Variants in LMTK2 observed in about 807,000 individuals in gnomAD.
LMTK2 encodes lemur tail kinase 2, also known as serine/threonine-protein kinase LMTK2.
In LMTK2, 37 loss-of-function variants were observed where a neutral mutation model predicts 127.5. The observed-to-expected ratio is 0.29, with a 90% CI of 0.22 to 0.38. The LOEUF (loss-of-function observed/expected upper bound fraction) is 0.38. LMTK2 is among the 10% of genes least tolerant of loss of function. The probability of loss-of-function intolerance (pLI) is 1.00; values close to 1 mark genes in which losing one functional copy is unlikely to be tolerated. For synonymous variants in LMTK2, 819 were observed against 810.1 expected (o/e 1.01, Z -0.19); for missense variants, 1,694 against 1,920.3 (o/e 0.88, Z 2.20).
chr7:98,139,187 C>T (rs1381249572), intron 2 of LMTK2, among the ~76,000 whole-genome samples: 1 of 152,178 alleles, frequency 6.6e-6, no homozygotes, highest in African/African-American at 2.4e-5. Context: ...TCACACTTCA[C>T]TACAGCCTCA....
At chr7:98,115,915 CTTGCTCTG>C (rs1361818764) in intron 1 of LMTK2, among the ~76,000 whole-genome samples, 1 of 152,184 alleles carries the variant, frequency 6.6e-6, no homozygotes, top group Non-Finnish European at 1.5e-5. Context: ...GAGACAAAGT[CTTGCTCTG>C]TTGCCCAGGC....
At chr7:98,142,010 G>A (rs1796706876) in intron 3 of LMTK2, among the ~76,000 whole-genome samples, 1 of 151,874 alleles carries the variant, frequency 6.6e-6, no homozygotes, top group Admixed American at 6.5e-5. Flanking sequence ...AAAATAGAAT[G>A]TGACTAGAAA....
At chr7:98,196,010 C>G (rs183961415) in intron 11 of LMTK2, among the ~76,000 whole-genome samples, 3 of 151,940 alleles carry the variant, frequency 2.0e-5, no homozygotes, top group African/African-American at 4.8e-5. Flanking sequence ...GGCAACATGG[C>G]GAAACCCCAT....
In LMTK2 at chr7:98,171,125, C is replaced by T. The variant is rs748112067; in HGVS notation, c.658-416C>T. On this transcript the variant is annotated intron_variant, in intron 6 of 13. Transcript: ENST00000297293. The surrounding 1 kb of genome is among the most constrained non-coding windows in gnomAD (Gnocchi z 5.1). ...TTGCTCCTCCAAGCTTTGGCAGTAA[C>T]CACGGCGCCTTCGTGATGAAGCGCT... 1.3e-5 allele frequency among the ~76,000 whole-genome samples: 2 copies of T among 152,130 alleles called. No homozygotes were observed. Among genetic ancestry groups the T allele is most frequent in the Non-Finnish European group, 2.9e-5 (2 of 68,036 alleles).
At chr7:98,177,590 C>T (rs1797295917) in intron 7 of LMTK2, among the ~76,000 whole-genome samples, 1 of 152,196 alleles carries the variant, frequency 6.6e-6, no homozygotes, top group African/African-American at 2.4e-5. Context: ...TTGGCCTTGA[C>T]TTCCCAGGCT....
chr7:98,151,542 T>C (rs1249292541), intron 4 of LMTK2, 87 bp downstream of exon 4: 10 of 1,113,768 alleles, frequency 9.0e-6, no homozygotes, highest in Non-Finnish European at 1.3e-5. Flanking sequence ...TGTGTGGAGT[T>C]CCACGTGCCC....
At position 98,205,548 on chromosome 7, in the gene LMTK2, T is replaced by TGCGCCCTC. The variant is rs1797778925; in HGVS notation, c.*57_*64dup. 1.8e-5 allele frequency: 29 copies of TGCGCCCTC among 1,589,070 alleles called. No homozygotes were observed. Among genetic ancestry groups the TGCGCCCTC allele is most frequent in the Non-Finnish European group, 2.4e-5 (28 of 1,163,908 alleles). ...GGCTGCTCCCCTGGAGCGGCGCCCCTGCGCCCTCAGCCCGAGCAGCGACAT... is the reference window on the plus strand; with the variant it reads ...GGCTGCTCCCCTGGAGCGGCGCCCCTGCGCCCTCGCGCCCTCAGCCCGAGCAGCGACAT... On this transcript the variant is annotated 3_prime_UTR_variant, in exon 14 of 14. Coordinates refer to ENST00000297293, the MANE Select transcript of LMTK2 (RefSeq NM_014916.4).
intron 1 of LMTK2, among the ~76,000 whole-genome samples, chr7:98,113,930 ATTC>A (rs1191118222): frequency 6.9e-6 from 1 of 144,288 alleles, no homozygotes; most frequent in Admixed American, 7.2e-5. Flanking sequence ...TCATTATTAA[ATTC>A]TTTTTTTTTT....
At chr7:98,186,614 A>G (rs1406584617) in intron 8 of LMTK2, among the ~76,000 whole-genome samples, 1 of 152,212 alleles carries the variant, frequency 6.6e-6, no homozygotes. Flanking sequence ...TGTTATATGC[A>G]TCAGACACAG....
chr7:98,108,539 C>T (rs528295966), intron 1 of LMTK2, among the ~76,000 whole-genome samples: 4 of 152,234 alleles, frequency 2.6e-5, no homozygotes, highest in African/African-American at 9.6e-5. Context: ...CTGTTACTGC[C>T]TTAGATCAAA....
intron 1 of LMTK2, among the ~76,000 whole-genome samples, chr7:98,131,525 G>T (rs1389833700): frequency 6.6e-6 from 1 of 152,074 alleles, no homozygotes; most frequent in African/African-American, 2.4e-5. Context: ...CTAGGTGGTT[G>T]ATTAGATTCA....
In LMTK2 at chr7:98,194,659, A is replaced by G. The variant is rs1245509959; in HGVS notation, c.4107+87A>G. 3.4e-5 allele frequency: 43 copies of G among 1,275,528 alleles called. No individual in the cohort carries two copies. The highest frequency in any genetic ancestry group is 4.1e-5 in the Non-Finnish European group (39 of 944,256). 79.0% of individuals were successfully genotyped at this position (1,275,528 alleles called of 1,614,324 possible). On this transcript the variant is annotated intron_variant, in intron 11 of 13. Transcript: ENST00000297293. This position sits in a 1 kb window ranked among gnomAD's most constrained non-coding sequence, Gnocchi z 5.4. ...GGAAATTGAGTGTGGTCTGTTTTCT[A>G]GTTGCCATTTTGAGGCAGCAGATTG... is the stretch of plus-strand genomic sequence containing the variant.
chr7:98,123,704 T>C (rs10282640), intron 1 of LMTK2, among the ~76,000 whole-genome samples: 19,042 of 150,306 alleles, frequency 0.13, 1,916 homozygotes, highest in African/African-American at 0.27. Context: ...TTTTCATATA[T>C]ACACACACAC....
intron 3 of LMTK2, among the ~76,000 whole-genome samples, chr7:98,147,194 T>A (rs1164929937): frequency 6.6e-6 from 1 of 152,134 alleles, no homozygotes; most frequent in Non-Finnish European, 1.5e-5. Flanking sequence ...TTCTACAGTT[T>A]GTGTCTCAGT....
intron 1 of LMTK2, among the ~76,000 whole-genome samples, chr7:98,119,108 AAAG>A (rs1455925245): frequency 1.3e-5 from 2 of 151,994 alleles, no homozygotes; most frequent in African/African-American, 4.8e-5. Context: ...AAAAAAAAAA[AAAG>A]AAATGCAGAT....
chr7:98,205,050 G>C (rs1335872535), intron 13 of LMTK2, among the ~76,000 whole-genome samples: 1 of 152,134 alleles, frequency 6.6e-6, no homozygotes, highest in Admixed American at 6.5e-5. Context: ...TTCTTTCCCC[G>C]TCACTAGATT....
chr7:98,194,278 G>A lies in LMTK2; in HGVS notation c.3813G>A (p.Val1271=), dbSNP rs141612286. ...IEGKYLGKLG[V]SGMLDLSEDG... ...GGAAGTACCTGGGGAAACTCGGGGT[G>A]TCAGGGATGCTCGACCTCTCAGAGG... The change falls in exon 11 of 14, where the codon GTG becomes GTA. Residue 1271 remains valine (V), a synonymous_variant. Transcript: ENST00000297293. The surrounding 1 kb of genome is among the most constrained non-coding windows in gnomAD (Gnocchi z 5.4). The A allele has an allele frequency of 1.9e-6, 3 of 1,614,102 alleles. No homozygotes were observed. Among genetic ancestry groups the A allele is most frequent in the African/African-American group, 2.7e-5 (2 of 74,938 alleles).
intron 6 of LMTK2, among the ~76,000 whole-genome samples, chr7:98,165,186 C>G (rs1317919321): frequency 6.6e-6 from 1 of 152,238 alleles, no homozygotes; most frequent in Non-Finnish European, 1.5e-5. Context: ...ACCTTGGCCA[C>G]TGCCCACAAC....
intron 5 of LMTK2, among the ~76,000 whole-genome samples, chr7:98,159,069 T>A (rs1796974691): frequency 6.6e-6 from 1 of 151,944 alleles, no homozygotes; most frequent in Non-Finnish European, 1.5e-5. Context: ...TGAAAAAAAA[T>A]TTTTAAAGTT....
Sources: allele counts gnomAD v4.1 joint callset (sites outside exome capture counted in the v4.1 genomes callset), GRCh38; gene constraint gnomAD v4.1.1; non-coding constraint Gnocchi (gnomAD v3.1); transcripts MANE v1.5; gene names NCBI Gene and HGNC (gene_info 2026-07-23, HGNC 2026-07-21).